SAE1: variants seen among roughly 807,000 people sequenced by gnomAD.
SAE1 encodes SUMO-activating enzyme subunit 1.
A neutral mutation model predicts 40.6 loss-of-function variants in SAE1; 11 were observed. That is an observed-to-expected ratio of 0.27 (90% CI 0.17 to 0.45). The LOEUF is 0.45. Ranked by LOEUF, SAE1 falls within the 20% of genes least tolerant of loss-of-function variation. The pLI, the probability that SAE1 is intolerant of heterozygous loss-of-function variation, is 1.00. For missense variants in SAE1, 373 were observed against 427.3 expected, an observed-to-expected ratio of 0.87 and a Z score of 1.12; for synonymous variants, 155 against 154.3, an observed-to-expected ratio of 1.00 and a Z score of -0.03.
intron 1 of SAE1, among the ~76,000 whole-genome samples, chr19:47,133,460 C>G (rs527394464): frequency 6.6e-6 from 1 of 152,172 alleles, no homozygotes; most frequent in African/African-American, 2.4e-5. Flanking sequence ...CTCCTGACCT[C>G]GTGATCCGCC....
Position 47,169,942 on chromosome 19 carries a change from A to C in SAE1, c.733+19A>C, listed in dbSNP as rs576780835. On this transcript the variant is annotated intron_variant, in intron 6 of 8. Coordinates refer to ENST00000270225, the MANE Select transcript of SAE1 (RefSeq NM_005500.3). ...CTTCAAGGTGAGGTCTCAAAGCACA[A>C]CTTACCCCGGGAGAGCTTTTGGCTC... The C allele has an allele frequency of 6.3e-7, 1 of 1,576,452 alleles. No individual in the cohort carries two copies. The highest frequency in any genetic ancestry group is 1.1e-5 in the South Asian group (1 of 90,326).
In SAE1 at chr19:47,189,147, G is replaced by A. The variant is rs73570503; in HGVS notation, c.734-8086G>A. On this transcript the variant is annotated intron_variant, in intron 6 of 8. Coordinates refer to ENST00000270225, the MANE Select transcript of SAE1 (RefSeq NM_005500.3). ...GCCCAGGGCTTTGCCTTAGGAAACA[G>A]GCTGTTGGATAAGAGGTAGTACTAC... 6.3e-3 allele frequency among the ~76,000 whole-genome samples: 963 copies of A among 152,254 alleles called. 9 individuals carry two copies. The highest frequency in any genetic ancestry group is 0.057 in the South Asian group (273 of 4,830).
intron 5 of SAE1, among the ~76,000 whole-genome samples, chr19:47,161,100 A>G (rs1249852069): frequency 6.6e-6 from 1 of 152,004 alleles, no homozygotes; most frequent in Non-Finnish European, 1.5e-5. Flanking sequence ...CTCCTGGGCT[A>G]AAGGGATCCT....
In SAE1 at chr19:47,156,035, G is replaced by A. The variant is rs146968502; in HGVS notation, c.627+822G>A. ...ATTACAGGCATGAGCCACCATGCCC[G>A]ACCAGAAAACTTTTTTTTTTAAAGC... On this transcript the variant is annotated intron_variant, in intron 5 of 8. Transcript: ENST00000270225. Among the ~76,000 whole-genome samples, 647 of 151,910 alleles carry A rather than the reference G, an allele frequency of 4.3e-3. 6 individuals carry two copies. The highest frequency in any genetic ancestry group is 0.015 in the African/African-American group (610 of 41,460).
At chr19:47,205,523 C>T (rs1043739223) in intron 8 of SAE1, among the ~76,000 whole-genome samples, 3 of 151,904 alleles carry the variant, frequency 2.0e-5, no homozygotes, top group Non-Finnish European at 4.4e-5. Context: ...GTTTATATGC[C>T]CAATCTGAGA....
intron 5 of SAE1, among the ~76,000 whole-genome samples, chr19:47,165,640 G>A (rs1600175850): frequency 6.6e-6 from 1 of 152,222 alleles, no homozygotes; most frequent in Non-Finnish European, 1.5e-5. Flanking sequence ...ATTGTCGGGT[G>A]TATTTTTTCT....
At chr19:47,135,864 C>T (rs1288697273) in intron 1 of SAE1, among the ~76,000 whole-genome samples, 1 of 151,720 alleles carries the variant, frequency 6.6e-6, no homozygotes, top group Non-Finnish European at 1.5e-5. Context: ...AGTGCAGTGG[C>T]GCAGTCTTGG....
At chr19:47,142,303 G>C (rs149168322) in intron 1 of SAE1, among the ~76,000 whole-genome samples, 3 of 151,722 alleles carry the variant, frequency 2.0e-5, no homozygotes, top group Non-Finnish European at 4.4e-5. Flanking sequence ...AGAATTGCTT[G>C]GACCTGGGAG....
chr19:47,186,979 G>A (rs758786535), intron 6 of SAE1, among the ~76,000 whole-genome samples: 55 of 152,340 alleles, frequency 3.6e-4, no homozygotes, highest in Middle Eastern at 3.4e-3. Context: ...TGTCTGGGTC[G>A]CTTCTGGGTC....
rs537280401 is a variant in SAE1, at chr19:47,178,142, G to A, written c.733+8219G>A. Among the ~76,000 whole-genome samples the A allele has an allele frequency of 2.0e-4, 30 of 152,140 alleles. 1 individual carries two copies. The South Asian group carries it at 6.2e-3, about 32-fold the overall frequency. The stretch of plus-strand genomic sequence containing the variant: ...TGTAGTCCCAGCTACTCGGGAGGGG[G>A]AGGCAGGAGAATCGCTTGAAAACCT... On this transcript the variant is annotated intron_variant, in intron 6 of 8. Coordinates refer to ENST00000270225, the MANE Select transcript of SAE1 (RefSeq NM_005500.3).
intron 8 of SAE1, among the ~76,000 whole-genome samples, chr19:47,208,730 T>C (rs2058698235): frequency 6.6e-6 from 1 of 152,120 alleles, no homozygotes; most frequent in African/African-American, 2.4e-5. Flanking sequence ...CCACCTATTT[T>C]AGTTTTCATA....
chr19:47,136,732 C>A (rs568025364), intron 1 of SAE1, among the ~76,000 whole-genome samples: 1 of 152,058 alleles, frequency 6.6e-6, no homozygotes, highest in Non-Finnish European at 1.5e-5. Flanking sequence ...TCAGGTGATC[C>A]GCCCGCCTTG....
chr19:47,158,458 G>C (rs2058337163), intron 5 of SAE1, among the ~76,000 whole-genome samples: 1 of 152,334 alleles, frequency 6.6e-6, no homozygotes, highest in South Asian at 2.1e-4. Flanking sequence ...CATGGACACT[G>C]ACATGCAGGA....
At chr19:47,189,299 T>C (rs967874837) in intron 6 of SAE1, among the ~76,000 whole-genome samples, 3 of 151,996 alleles carry the variant, frequency 2.0e-5, no homozygotes, top group Admixed American at 6.5e-5. Flanking sequence ...GGCTCACGCC[T>C]GTAACCCCAG....
chr19:47,138,613 A>G (rs1013069554), intron 1 of SAE1, among the ~76,000 whole-genome samples: 1 of 152,206 alleles, frequency 6.6e-6, no homozygotes, highest in African/African-American at 2.4e-5. Context: ...CTAAATGCCA[A>G]GGAAGTTACT....
At chr19:47,169,101 T>C (rs2058414627) in intron 5 of SAE1, among the ~76,000 whole-genome samples, 1 of 152,198 alleles carries the variant, frequency 6.6e-6, no homozygotes, top group Non-Finnish European at 1.5e-5. Context: ...TCCATCATCA[T>C]TATACCATTC....
At chr19:47,206,863 A>G (rs1000122699) in intron 8 of SAE1, among the ~76,000 whole-genome samples, 8 of 152,176 alleles carry the variant, frequency 5.3e-5, no homozygotes, top group Admixed American at 2.0e-4. Context: ...ATTCTCACCA[A>G]AACTCTAGCA....
At position 47,197,296 on chromosome 19, in the gene SAE1, C is replaced by G. The variant is rs1019913435; in HGVS notation, c.797C>G (p.Ser266Cys). 6.2e-7 allele frequency: 1 copy of G among 1,613,944 alleles called. No individual in the cohort carries two copies. Among genetic ancestry groups the G allele is most frequent in the African/African-American group, 1.3e-5 (1 of 75,016 alleles). The change falls in exon 7 of 9, where the codon TCT becomes TGT. Residue 266 changes from serine (S) to cysteine (C), a missense_variant. Physicochemically the swap from Ser to Cys is moderately radical, Grantham distance 112 (BLOSUM62 -1). Coordinates refer to ENST00000270225, the MANE Select transcript of SAE1 (RefSeq NM_005500.3). ...AGTTCTGATACATATGAGGAAGATT[C>G]TGAGTTGTTGCTCCAGATACGAAAT... is the stretch of plus-strand genomic sequence containing the variant. Reference protein sequence around the residue: ...DPSSDTYEEDSELLLQIRNDV... With the variant: ...DPSSDTYEEDCELLLQIRNDV...
At chr19:47,179,685 T>C (rs190194340) in intron 6 of SAE1, among the ~76,000 whole-genome samples, 79 of 152,120 alleles carry the variant, frequency 5.2e-4, no homozygotes, top group Middle Eastern at 3.4e-3. Context: ...GCTGGGATTA[T>C]AGGCAAGTAG....
Sources: allele counts gnomAD v4.1 joint callset (sites outside exome capture counted in the v4.1 genomes callset), GRCh38; gene constraint gnomAD v4.1.1; transcripts MANE v1.5; gene names NCBI Gene and HGNC (gene_info 2026-07-23, HGNC 2026-07-21).